Variants in TRAPPC10 observed in about 807,000 individuals in gnomAD.
TRAPPC10 encodes trafficking protein particle complex subunit 10.
TRAPPC10 carries 23 observed loss-of-function variants against 125.5 expected under a neutral mutation model. The ratio of observed to expected loss-of-function variants is 0.18; its 90% CI spans 0.13 to 0.26. TRAPPC10 has a LOEUF of 0.26. TRAPPC10 is among the 10% of genes least tolerant of loss of function. The pLI, the probability that TRAPPC10 is intolerant of heterozygous loss-of-function variation, is 1.00. For synonymous variants in TRAPPC10, 509 were observed against 518.0 expected (o/e 0.98, Z 0.24); for missense variants, 1,123 against 1,308.4 (o/e 0.86, Z 2.19).
intron 2 of TRAPPC10, among the ~76,000 whole-genome samples, chr21:44,034,338 C>G (rs1162887663): frequency 7.1e-6 from 1 of 140,582 alleles, no homozygotes; most frequent in South Asian, 2.6e-4. Context: ...CCCAACCCCC[C>G]CCCCCACCCC....
At chr21:44,076,730 C>T in intron 10 of TRAPPC10, 102 bp downstream of exon 10, 1 of 969,940 alleles carries the variant, frequency 1.0e-6, no homozygotes, top group Non-Finnish European at 1.5e-6. Flanking sequence ...TGTGGGGGGC[C>T]CCTTCTTGTT....
chr21:44,067,760 A>G (rs749106108), intron 7 of TRAPPC10, among the ~76,000 whole-genome samples: 18 of 152,098 alleles, frequency 1.2e-4, no homozygotes, highest in Non-Finnish European at 2.1e-4. Flanking sequence ...AGCTTGGTAA[A>G]CATTTGCAGG....
intron 19 of TRAPPC10, among the ~76,000 whole-genome samples, chr21:44,092,647 TG>T (rs11289511): frequency 1 from 152,302 of 152,302 alleles, 76,151 homozygotes; most frequent in Non-Finnish European, 1. Context: ...CAGATATCAC[TG>T]GGGGCTCATC....
At chr21:44,071,771 T>G (rs1414820316) in intron 7 of TRAPPC10, among the ~76,000 whole-genome samples, 1 of 152,224 alleles carries the variant, frequency 6.6e-6, no homozygotes, top group African/African-American at 2.4e-5. Context: ...ATAAAGGCAC[T>G]TAGAGCATGG....
chr21:44,027,871 C>T (rs993218759), intron 1 of TRAPPC10, among the ~76,000 whole-genome samples: 12 of 152,142 alleles, frequency 7.9e-5, no homozygotes, highest in African/African-American at 2.7e-4. Context: ...CTCCCTTGCC[C>T]CTTCCCCCAC....
At chr21:44,072,302 GC>G (rs1432949569) in intron 7 of TRAPPC10, among the ~76,000 whole-genome samples, 2 of 152,190 alleles carry the variant, frequency 1.3e-5, no homozygotes, top group African/African-American at 4.8e-5. Context: ...TCGCGGAGCG[GC>G]CCTCGTGCCC....
chr21:44,079,412 G>A (rs1305499587), intron 11 of TRAPPC10, 152 bp from the exon 12 acceptor site: 22 of 742,392 alleles, frequency 3.0e-5, no homozygotes, highest in South Asian at 9.0e-5. Flanking sequence ...TCTTTCTCAC[G>A]GAGTGGGGTG....
intron 8 of TRAPPC10, 132 bp from the exon 9 acceptor site, chr21:44,074,902 TCCAGA>T: frequency 1.5e-6 from 1 of 668,144 alleles, no homozygotes; most frequent in South Asian, 1.9e-5. Flanking sequence ...TATTTTTGTA[TCCAGA>T]TTTGAGTCAT....
At chr21:44,046,798 G>A (rs1205424884) in intron 3 of TRAPPC10, 9 of 527,362 alleles carry the variant, frequency 1.7e-5, no homozygotes, top group Non-Finnish European at 2.5e-5. Flanking sequence ...ATAAGCCACC[G>A]CACCCGGCCA....
intron 2 of TRAPPC10, among the ~76,000 whole-genome samples, chr21:44,035,984 G>C (rs2033953848): frequency 6.6e-6 from 1 of 152,154 alleles, no homozygotes; most frequent in South Asian, 2.1e-4. Flanking sequence ...AGGAATGGGA[G>C]AGCATGGAGG....
chr21:44,084,248 G>T lies in TRAPPC10; in HGVS notation c.2365G>T (p.Val789Leu). The T allele has an allele frequency of 1.9e-6, 3 of 1,613,762 alleles. No individual in the cohort carries two copies. Among genetic ancestry groups the T allele is most frequent in the Non-Finnish European group, 2.5e-6 (3 of 1,179,904 alleles). Reference protein sequence around the residue: ...DVYSQEPQLHVEPLADSLLAG... With the variant: ...DVYSQEPQLHLEPLADSLLAG... ...GTACTCACAGGAGCCCCAGCTGCAC[G>T]TGGAGCCGCTGGCTGGTGAGTGGGG... is the stretch of plus-strand genomic sequence containing the variant. The change falls in exon 15 of 23, where the codon GTG (valine) becomes TTG (leucine). Residue 789 changes from valine (V) to leucine (L), a missense_variant. Coordinates refer to ENST00000291574, the MANE Select transcript of TRAPPC10 (RefSeq NM_003274.5).
At chr21:44,040,577 A>ATCCACCTGCC (rs2034342370) in intron 3 of TRAPPC10, among the ~76,000 whole-genome samples, 1 of 151,938 alleles carries the variant, frequency 6.6e-6, no homozygotes, top group Non-Finnish European at 1.5e-5. Flanking sequence ...GGTTCAAGGG[A>ATCCACCTGCC]TCCACCTGCC....
intron 14 of TRAPPC10, 74 bp from the exon 15 acceptor site, chr21:44,084,048 G>C (rs1306147151): frequency 1.9e-6 from 3 of 1,575,168 alleles, no homozygotes; most frequent in Non-Finnish European, 2.6e-6. Flanking sequence ...AGAGACCGCT[G>C]CACCGCGCTA....
chr21:44,034,127 G>A (rs1044824929), intron 2 of TRAPPC10, among the ~76,000 whole-genome samples: 2 of 152,164 alleles, frequency 1.3e-5, no homozygotes, highest in South Asian at 4.2e-4. Context: ...GGGAGAGAAA[G>A]CTGAGGAAGT....
chr21:44,088,267 G>A (rs762301533), intron 17 of TRAPPC10: 102 of 302,170 alleles, frequency 3.4e-4, no homozygotes, highest in Admixed American at 2.1e-3. Flanking sequence ...GGTCTGTGTC[G>A]TGTGTGCCTC....
chr21:44,039,588 C>T (rs542610361), intron 3 of TRAPPC10, among the ~76,000 whole-genome samples: 15 of 152,240 alleles, frequency 9.9e-5, no homozygotes, highest in South Asian at 4.2e-4. Flanking sequence ...AGAACTGGGC[C>T]GGTCATGGTG....
chr21:44,018,045 C>T (rs920925081), intron 1 of TRAPPC10, among the ~76,000 whole-genome samples: 5 of 152,066 alleles, frequency 3.3e-5, no homozygotes, highest in Admixed American at 1.3e-4. Flanking sequence ...GAAAAGCTTC[C>T]TTTCTTTTCA....
At chr21:44,093,495 C>T (rs2038723325) in intron 19 of TRAPPC10, among the ~76,000 whole-genome samples, 1 of 151,286 alleles carries the variant, frequency 6.6e-6, no homozygotes. Flanking sequence ...TGGTGGCTCA[C>T]ACCTGTAATC....
rs1043338174 is a variant in TRAPPC10, at chr21:44,059,486, A to T, written c.790+272A>T. On this transcript the variant is annotated intron_variant, in intron 6 of 22. Transcript: ENST00000291574. The surrounding 1 kb of genome is among the most constrained non-coding windows in gnomAD (Gnocchi z 4.4). ...CCAGGTATAAAATGTCCTTTCCACA[A>T]CTCAGTGGCCTGCTGGTGATGCTTC... 1.3e-6 allele frequency: 1 copy of T among 755,272 alleles called. No individual in the cohort carries two copies. The highest frequency in any genetic ancestry group is 2.5e-6 in the Non-Finnish European group (1 of 404,518). 46.8% of individuals were successfully genotyped at this position (755,272 alleles called of 1,614,324 possible). A position where few individuals can be genotyped will look rare whatever the true frequency, so the allele number is the denominator to read the frequency against.
Sources: gnomAD v4.1 joint callset for allele counts (sites outside exome capture counted in the v4.1 genomes callset) on GRCh38, gnomAD v4.1.1 for gene constraint, Gnocchi (gnomAD v3.1) non-coding constraint, MANE v1.5 for transcripts, NCBI Gene and HGNC (gene_info 2026-07-23, HGNC 2026-07-21) for gene names.